The following SH3D19 variants were observed in gnomAD, a reference collection of about 807,000 sequenced individuals.
SH3D19 encodes the protein SH3 domain-containing protein 19.
In SH3D19, 58 loss-of-function variants were observed where a neutral mutation model predicts 112.1. The observed-to-expected ratio is 0.52, with a 90% CI of 0.42 to 0.64. SH3D19 has a LOEUF of 0.64. Ranked by LOEUF, SH3D19 falls within the 30% of genes least tolerant of loss-of-function variation. The pLI is 0.00. For synonymous variants in SH3D19, 391 were observed against 448.5 expected, an observed-to-expected ratio of 0.87 and a Z score of 1.62; for missense variants, 1,090 against 1,263.4, an observed-to-expected ratio of 0.86 and a Z score of 2.08.
intron 2 of SH3D19, among the ~76,000 whole-genome samples, chr4:151,204,265 G>A (rs919711563): frequency 6.6e-6 from 1 of 152,152 alleles, no homozygotes; most frequent in Non-Finnish European, 1.5e-5. Context: ...CCAAATCGAG[G>A]AGTGAGGACA....
intron 2 of SH3D19, among the ~76,000 whole-genome samples, chr4:151,205,245 G>A (rs558922511): frequency 1.3e-5 from 2 of 152,312 alleles, no homozygotes; most frequent in African/African-American, 4.8e-5. Flanking sequence ...TGGGAAACAC[G>A]GCGGCTTTTT....
intron 1 of SH3D19, among the ~76,000 whole-genome samples, chr4:151,282,914 C>A (rs1187376571): frequency 1.3e-5 from 2 of 151,976 alleles, no homozygotes; most frequent in Non-Finnish European, 2.9e-5. Flanking sequence ...TAAAAAAAAA[C>A]CTCAAAGAAG....
At chr4:151,258,932 G>T (rs1043744176) in intron 1 of SH3D19, among the ~76,000 whole-genome samples, 1 of 146,560 alleles carries the variant, frequency 6.8e-6, no homozygotes, top group African/African-American at 2.4e-5. Context: ...TGGGGATTTC[G>T]GGTGAGCCCC....
intron 1 of SH3D19, among the ~76,000 whole-genome samples, chr4:151,246,673 C>T (rs555174905): frequency 6.6e-6 from 1 of 152,250 alleles, no homozygotes; most frequent in East Asian, 1.9e-4. Flanking sequence ...TCGACATTGT[C>T]AGGTACTTAC....
At chr4:151,173,261 G>C (rs1759380193) in intron 7 of SH3D19, among the ~76,000 whole-genome samples, 1 of 152,102 alleles carries the variant, frequency 6.6e-6, no homozygotes, top group Non-Finnish European at 1.5e-5. Context: ...ATACCAAAAA[G>C]GTTTATATAA....
intron 2 of SH3D19, among the ~76,000 whole-genome samples, chr4:151,205,881 T>G (rs759518141): frequency 6.6e-6 from 1 of 152,236 alleles, no homozygotes; most frequent in African/African-American, 2.4e-5. Flanking sequence ...AAAGGACTCA[T>G]AGCTGGTAAA....
chr4:151,157,273 G>A (rs1027629998), intron 9 of SH3D19, among the ~76,000 whole-genome samples: 4 of 150,954 alleles, frequency 2.6e-5, no homozygotes, highest in Admixed American at 2.0e-4. Flanking sequence ...AAAAAAAAAC[G>A]GCAAATGATC....
chr4:151,256,150 G>T (rs1440901395), intron 1 of SH3D19, among the ~76,000 whole-genome samples: 7 of 152,118 alleles, frequency 4.6e-5, no homozygotes, highest in African/African-American at 1.7e-4. Flanking sequence ...CAACTTCTGG[G>T]CATTATGGCC....
intron 1 of SH3D19, among the ~76,000 whole-genome samples, chr4:151,322,852 T>C (rs1290892928): frequency 6.6e-6 from 1 of 152,180 alleles, no homozygotes; most frequent in Non-Finnish European, 1.5e-5. Flanking sequence ...TACAGGACAA[T>C]TCCACTTAAA....
At chr4:151,125,711 G>T (rs1749117243) in intron 19 of SH3D19, among the ~76,000 whole-genome samples, 1 of 151,414 alleles carries the variant, frequency 6.6e-6, no homozygotes, top group African/African-American at 2.4e-5. Flanking sequence ...AATTAGTCAG[G>T]TGTGGTGGTG....
chr4:151,139,092 T>A (rs2149755793), intron 13 of SH3D19, among the ~76,000 whole-genome samples: 1 of 152,280 alleles, frequency 6.6e-6, no homozygotes, highest in African/African-American at 2.4e-5. Context: ...CACAAAGTGC[T>A]GGGATTACAG....
intron 9 of SH3D19, among the ~76,000 whole-genome samples, chr4:151,157,934 G>A (rs1294158961): frequency 6.6e-6 from 1 of 152,174 alleles, no homozygotes; most frequent in African/African-American, 2.4e-5. Flanking sequence ...ACTAGAGGCT[G>A]GGAAGGGTAG....
intron 15 of SH3D19, 70 bp downstream of exon 15, chr4:151,135,004 T>C: frequency 7.5e-7 from 1 of 1,336,206 alleles, no homozygotes; most frequent in Non-Finnish European, 1.1e-6. Flanking sequence ...GTTTTAAGCT[T>C]GATAATTCTT....
intron 2 of SH3D19, among the ~76,000 whole-genome samples, chr4:151,222,120 T>C (rs1229118280): frequency 6.6e-6 from 1 of 152,260 alleles, no homozygotes; most frequent in Admixed American, 6.5e-5. Flanking sequence ...ATTCCATTTT[T>C]GACCAGCTCT....
intron 1 of SH3D19, among the ~76,000 whole-genome samples, chr4:151,236,012 C>T (rs1770005626): frequency 6.6e-6 from 1 of 152,242 alleles, no homozygotes; most frequent in African/African-American, 2.4e-5. Flanking sequence ...GGCACAGGCT[C>T]CAAGTGCCAA....
At chr4:151,298,436 A>G (rs1046874977) in intron 1 of SH3D19, among the ~76,000 whole-genome samples, 2 of 144,830 alleles carry the variant, frequency 1.4e-5, no homozygotes, top group African/African-American at 4.9e-5. Flanking sequence ...TCGGCCTCCC[A>G]AAGTGCTGGA....
chr4:151,290,507 T>C (rs560837238), intron 1 of SH3D19, among the ~76,000 whole-genome samples: 1 of 152,050 alleles, frequency 6.6e-6, no homozygotes, highest in South Asian at 2.1e-4. Context: ...AGGCAGAGAG[T>C]GGACTACTGG....
intron 10 of SH3D19, among the ~76,000 whole-genome samples, chr4:151,148,575 G>A (rs760283549): frequency 2.0e-5 from 3 of 152,122 alleles, no homozygotes; most frequent in African/African-American, 7.2e-5. Flanking sequence ...AAGATACGAT[G>A]TATGTGTGCT....
At chr4:151,231,224 A>T (rs1343099148) in intron 1 of SH3D19, among the ~76,000 whole-genome samples, 1 of 152,186 alleles carries the variant, frequency 6.6e-6, no homozygotes, top group Admixed American at 6.5e-5. Flanking sequence ...TCTTTAAAAG[A>T]TTGCATAATT....
Sources: gnomAD v4.1 joint callset for allele counts (sites outside exome capture counted in the v4.1 genomes callset) on GRCh38, gnomAD v4.1.1 for gene constraint, MANE v1.5 for transcripts, NCBI Gene and HGNC (gene_info 2026-07-23, HGNC 2026-07-21) for gene names.